Variants in MACF1 observed in about 807,000 individuals in gnomAD.
The protein encoded by MACF1 is microtubule-actin cross-linking factor 1.
Under a neutral mutation model 854.8 loss-of-function variants are expected in MACF1, and 193 were observed. That is an observed-to-expected ratio of 0.23 (90% CI 0.20 to 0.25). The LOEUF (loss-of-function observed/expected upper bound fraction) is 0.25, where lower values mean the gene tolerates loss of function less well. Ranked by LOEUF, MACF1 falls within the 10% of genes least tolerant of loss-of-function variation. The probability of loss-of-function intolerance (pLI) is 1.00; values close to 1 mark genes in which losing one functional copy is unlikely to be tolerated. For missense variants in MACF1, 7,722 were observed against 8,929.1 expected (o/e 0.86, Z 5.45); for synonymous variants, 3,185 against 3,226.7 (o/e 0.99, Z 0.44).
chr1:39,287,558 T>G lies in MACF1; in HGVS notation c.1781T>G (p.Met594Arg). 6.2e-7 allele frequency: 1 copy of G among 1,614,194 alleles called. No individual in the cohort carries two copies. The highest frequency in any genetic ancestry group is 8.5e-7 in the Non-Finnish European group (1 of 1,180,000). Residue 594 changes from methionine (M) to arginine (R), a missense_variant, in exon 15 of 101, where the codon ATG becomes AGG. Met to Arg is a moderately conservative substitution (Grantham distance 91). This residue lies in a region of MACF1 where 1,137 missense variants were observed against 1,263.0 expected (regional missense o/e 0.90). Coordinates refer to ENST00000564288, the MANE Select transcript of MACF1 (RefSeq NM_001394062.1). The part of the protein sequence containing the change: ...VYELLSWVEE[M>R]QMKLERAEWG... ...GAACTACTGTCTTGGGTAGAAGAGA[T>G]GCAGGTGGGTGCATATCCAAAAGCT...
chr1:39,314,718 T>C (rs902284545), intron 26 of MACF1, among the ~76,000 whole-genome samples: 3 of 152,094 alleles, frequency 2.0e-5, no homozygotes, highest in African/African-American at 7.2e-5. Flanking sequence ...AAAACCTGCT[T>C]TATGTTATCC....
intron 58 of MACF1, among the ~76,000 whole-genome samples, chr1:39,417,733 TTTTTTTTTTTTTTTTTGG>T (rs1557643462): frequency 2.5e-5 from 3 of 117,708 alleles, no homozygotes; most frequent in African/African-American, 6.6e-5. Flanking sequence ...TTTTTTTTTT[TTTTTTTTTTTTTTTTTGG>T]ATTTTTAGTA....
intron 41 of MACF1, 42 bp downstream of exon 41, chr1:39,347,252 A>G: frequency 2.1e-6 from 3 of 1,435,942 alleles, no homozygotes; most frequent in Non-Finnish European, 2.9e-6. Flanking sequence ...GTCTTTGGGG[A>G]TGTCCTCTGT....
intron 2 of MACF1, among the ~76,000 whole-genome samples, chr1:39,137,495 A>G (rs1338781570): frequency 3.3e-5 from 5 of 152,188 alleles, no homozygotes; most frequent in African/African-American, 4.8e-5. Context: ...TTTCTCAAGT[A>G]TCTGAGACTA....
rs11453750 is a variant in MACF1 at position 39,263,771 on chromosome 1, C to CTTTTTTTTTTTTTTTTTTTTTTTTTTTT, written c.528+5763_528+5764insTTTTTTTTTTTTTTTTTTTTTTTTTTTT. Among the ~76,000 whole-genome samples, 11 of 100,164 alleles carry CTTTTTTTTTTTTTTTTTTTTTTTTTTTT rather than the reference C, an allele frequency of 1.1e-4. 1 individual carries two copies. Among genetic ancestry groups the CTTTTTTTTTTTTTTTTTTTTTTTTTTTT allele is most frequent in the South Asian group, 3.4e-4 (1 of 2,904 alleles). 65.7% of individuals were successfully genotyped at this position (100,164 alleles called of 152,430 possible). A position where few individuals can be genotyped will look rare whatever the true frequency, so the allele number is the denominator to read the frequency against. Reference sequence around the variant, plus strand: ...CTTTCTTTCATCTTTTTTCTTTTTTCTTTTTTTTTTTTTTTTTTTTGAGAC... The same window carrying CTTTTTTTTTTTTTTTTTTTTTTTTTTTT: ...CTTTCTTTCATCTTTTTTCTTTTTTCTTTTTTTTTTTTTTTTTTTTTTTTTTTTTTTTTTTTTTTTTTTTTTTTGAGAC... On this transcript the variant is annotated intron_variant, in intron 6 of 100. Transcript: ENST00000564288.
chr1:39,485,702 T>A lies in MACF1; in HGVS notation c.22576T>A (p.Ser7526Thr). ...CAGCGCTGCAGGGGGCCAAGGCAAC[T>A]CCAGGAGAGGGCTAAACAAACCTTC... ...ESSAAGGQGN[S>T]RRGLNKPSKI... Residue 7526 changes from serine to threonine, a missense_variant, in exon 101 of 101, where the codon TCC becomes ACC. This residue lies in a region of MACF1 where 185 missense variants were observed against 225.7 expected (regional missense o/e 0.82). Coordinates refer to ENST00000564288, the MANE Select transcript of MACF1 (RefSeq NM_001394062.1). 6.2e-7 allele frequency: 1 copy of A among 1,614,014 alleles called. No homozygotes were observed. Among genetic ancestry groups the A allele is most frequent in the Non-Finnish European group, 8.5e-7 (1 of 1,179,976 alleles).
At chr1:39,411,176 A>G (rs1642982152) in intron 58 of MACF1, 1 of 1,613,732 alleles carries the variant, frequency 6.2e-7, no homozygotes, top group South Asian at 1.1e-5. Context: ...CCAGAATTGC[A>G]TGTTCTCATA....
At chr1:39,100,624 T>C (rs169010) in intron 2 of MACF1, among the ~76,000 whole-genome samples, 150,642 of 152,026 alleles carry the variant, frequency 0.99, 74,643 homozygotes, top group South Asian at 1. Flanking sequence ...GAGGCTGAGG[T>C]GGGCAGATTA....
intron 97 of MACF1, among the ~76,000 whole-genome samples, chr1:39,477,361 T>C (rs1644928995): frequency 6.6e-6 from 1 of 151,584 alleles, no homozygotes; most frequent in South Asian, 2.1e-4. Context: ...AGTAGCTGGA[T>C]CTGCAGGCAC....
chr1:39,172,321 G>T (rs1216554369), intron 2 of MACF1, among the ~76,000 whole-genome samples: 1 of 152,184 alleles, frequency 6.6e-6, no homozygotes, highest in Non-Finnish European at 1.5e-5. Context: ...GATTATAGCA[G>T]TTGAAGATGA....
In MACF1 at chr1:39,084,503, C is replaced by G. The variant is rs1202953322; in HGVS notation, c.220+65C>G. ...GAGGGAGGAATGGGCCAGGGCACAGCAGCTGTGTGGGGAGCCGAGGGGTCC... is the reference window on the plus strand; with the variant it reads ...GAGGGAGGAATGGGCCAGGGCACAGGAGCTGTGTGGGGAGCCGAGGGGTCC... On this transcript the variant is annotated intron_variant, in intron 2 of 93. Transcript: ENST00000361689. The surrounding 1 kb of genome is among the most constrained non-coding windows in gnomAD (Gnocchi z 5.2). The G allele has an allele frequency of 2.1e-6, 3 of 1,440,182 alleles. No homozygotes were observed. The Admixed American group carries it at 5.7e-5, about 27-fold the overall frequency. The allele number at this position is 1,440,182 out of a possible 1,614,324, so 89.2% of individuals were successfully genotyped here.
chr1:39,146,997 T>C (rs1643480132), intron 2 of MACF1, among the ~76,000 whole-genome samples: 1 of 152,078 alleles, frequency 6.6e-6, no homozygotes, highest in Non-Finnish European at 1.5e-5. Flanking sequence ...TATTTGTCTT[T>C]GTTTATTTTC....
intron 58 of MACF1, among the ~76,000 whole-genome samples, chr1:39,416,123 A>G (rs1025242353): frequency 7.2e-5 from 11 of 152,292 alleles, no homozygotes; most frequent in Middle Eastern, 3.4e-3. Flanking sequence ...TTTGATTAAG[A>G]GGATTGATTA....
At chr1:39,413,791 G>T in intron 58 of MACF1, 2 of 1,612,010 alleles carry the variant, frequency 1.2e-6, no homozygotes, top group Non-Finnish European at 1.7e-6. Context: ...AGCTGCTGCA[G>T]TGCCCACCCC....
chr1:39,414,179 T>C, intron 58 of MACF1: 1 of 1,610,728 alleles, frequency 6.2e-7, no homozygotes, highest in South Asian at 1.1e-5. Flanking sequence ...ACCCCAGAGG[T>C]GGCTGCCATC....
intron 63 of MACF1, among the ~76,000 whole-genome samples, chr1:39,428,552 G>T (rs1382700679): frequency 1.3e-5 from 2 of 152,138 alleles, no homozygotes; most frequent in African/African-American, 4.8e-5. Context: ...TCCAACTCAT[G>T]ATTTACATTA....
chr1:39,322,799 G>A, intron 32 of MACF1, 84 bp downstream of exon 32: 1 of 1,530,490 alleles, frequency 6.5e-7, no homozygotes, highest in Non-Finnish European at 9.1e-7. Context: ...TTGATTTAGG[G>A]CTCACTTTTC....
chr1:39,357,966 G>A, intron 45 of MACF1, 73 bp downstream of exon 45: 2 of 1,458,726 alleles, frequency 1.4e-6, no homozygotes, highest in South Asian at 1.4e-5. Flanking sequence ...TAGTGTCTGG[G>A]GCTCAGAATA....
At chr1:39,469,850 G>A (rs1387577049) in intron 97 of MACF1, among the ~76,000 whole-genome samples, 2 of 152,198 alleles carry the variant, frequency 1.3e-5, no homozygotes, top group African/African-American at 4.8e-5. Context: ...ATAGTTTTAT[G>A]TGCCACACAC....
Sources: gnomAD v4.1 joint callset for allele counts (sites outside exome capture counted in the v4.1 genomes callset) on GRCh38, gnomAD v4.1.1 for gene constraint, gnomAD v4.1.1 regional missense constraint, Gnocchi (gnomAD v3.1) non-coding constraint, MANE v1.5 for transcripts, NCBI Gene and HGNC (gene_info 2026-07-23, HGNC 2026-07-21) for gene names.